The following CCDC144A variants were observed in gnomAD, a reference collection of about 807,000 sequenced individuals.
The protein encoded by CCDC144A is coiled-coil domain containing 144A.
A neutral mutation model predicts 143.8 loss-of-function variants in CCDC144A; 41 were observed. The observed-to-expected ratio is 0.29, with a 90% CI of 0.22 to 0.37. The LOEUF is 0.37. CCDC144A is among the 10% of genes least tolerant of loss of function. The pLI is 1.00. For missense variants in CCDC144A, 637 were observed against 1,488.8 expected (o/e 0.43, Z 9.41); for synonymous variants, 242 against 517.9 (o/e 0.47, Z 7.23).
chr17:16,715,422 A>G (rs1323282846), intron 6 of CCDC144A, among the ~76,000 whole-genome samples: 2 of 152,034 alleles, frequency 1.3e-5, no homozygotes, highest in African/African-American at 2.4e-5. Context: ...AATAAGCTAC[A>G]TTCTTTGTAT....
chr17:16,685,175 T>C (rs976726869), upstream of CCDC144A, among the ~76,000 whole-genome samples: 2 of 152,102 alleles, frequency 1.3e-5, no homozygotes, highest in African/African-American at 2.4e-5. Flanking sequence ...TGCGGGCATA[T>C]GCCACCACAC....
Position 16,734,767 on chromosome 17 carries a change from A to G in CCDC144A, c.2496A>G (p.Arg832=), listed in dbSNP as rs1216285046. 6.3e-7 allele frequency: 1 copy of G among 1,584,298 alleles called. No homozygotes were observed. The highest frequency in any genetic ancestry group is 1.4e-5 in the African/African-American group (1 of 73,582). ...CMLQEEIALL[R]LEIDTIKNQN... is the part of the protein sequence containing the mutation. ...TGCAGGAAGAAATTGCCTTGCTGAG[A>G]CTGGAAATAGATACAATAAAAAATC... Residue 832 remains arginine (R), a synonymous_variant, in exon 12 of 17, where the codon AGA becomes AGG. Coordinates refer to ENST00000399273, the MANE Select transcript of CCDC144A (RefSeq NM_001382000.1).
chr17:16,676,134 T>A, the CCDC144A span, among the ~76,000 whole-genome samples: 1 of 151,672 alleles, frequency 6.6e-6, no homozygotes, highest in Non-Finnish European at 1.5e-5. Flanking sequence ...GAGACTGGAT[T>A]GAAAAAAAGG....
intron 5 of CCDC144A, among the ~76,000 whole-genome samples, chr17:16,711,141 A>AAAAAAAAT: frequency 7.5e-6 from 1 of 133,808 alleles, no homozygotes; most frequent in Non-Finnish European, 1.6e-5. Flanking sequence ...CAAATGAAAA[A>AAAAAAAAT]AAAAAAAAAA....
chr17:16,721,140 T>C (rs1420004625), intron 8 of CCDC144A, among the ~76,000 whole-genome samples: 1 of 152,096 alleles, frequency 6.6e-6, no homozygotes, highest in Non-Finnish European at 1.5e-5. Flanking sequence ...TACTCTTCTC[T>C]TTCTCTGTGT....
intron 15 of CCDC144A, chr17:16,765,028 C>T (rs2143387782): frequency 1.0e-5 from 1 of 98,832 alleles, no homozygotes; most frequent in East Asian, 3.2e-4. Flanking sequence ...GACATCTCCC[C>T]TGGACATGTA....
At chr17:16,711,870 G>A (rs1444030961) in intron 6 of CCDC144A, 55 bp downstream of exon 6, 12 of 1,550,978 alleles carry the variant, frequency 7.7e-6, no homozygotes, top group South Asian at 4.7e-5. Context: ...GGTGGCTCAC[G>A]CCTGTAATCC....
At position 16,690,511 on chromosome 17, in the gene CCDC144A, C is replaced by T. The variant is rs1443989180; in HGVS notation, c.111C>T (p.Tyr37=). The change falls in exon 1 of 17, where the codon TAC becomes TAT. Residue 37 remains tyrosine, a synonymous_variant. Coordinates refer to ENST00000399273, the MANE Select transcript of CCDC144A (RefSeq NM_001382000.1). ...PSVGSQGDQW[Y]LGYPGDQWSS... Reference sequence around the variant, plus strand: ...TCGGGAGCCAGGGGGACCAGTGGTACTTGGGCTACCCGGGGGACCAGTGGT... The same window carrying T: ...TCGGGAGCCAGGGGGACCAGTGGTATTTGGGCTACCCGGGGGACCAGTGGT... The T allele has an allele frequency of 2.5e-6, 4 of 1,611,284 alleles. No homozygotes were observed. Among genetic ancestry groups the T allele is most frequent in the East Asian group, 2.2e-5 (1 of 44,868 alleles).
intron 12 of CCDC144A, among the ~76,000 whole-genome samples, chr17:16,748,226 GT>G (rs1226103657): frequency 1.3e-5 from 2 of 152,038 alleles, no homozygotes; most frequent in African/African-American, 4.8e-5. Context: ...TTAGCTGTGG[GT>G]TTGTTATAGA....
At chr17:16,684,337 G>A in the CCDC144A span, 1 of 696,256 alleles carries the variant, frequency 1.4e-6, no homozygotes, top group Non-Finnish European at 2.6e-6. Context: ...CAATTTCCAT[G>A]AAGTTAATAT....
chr17:16,689,148 C>T (rs1910899780), upstream of CCDC144A, among the ~76,000 whole-genome samples: 1 of 151,888 alleles, frequency 6.6e-6, no homozygotes. Flanking sequence ...TTCTTTCTTC[C>T]TTTCTTCCTT....
intron 6 of CCDC144A, among the ~76,000 whole-genome samples, chr17:16,717,772 G>A (rs1217376156): frequency 6.6e-6 from 1 of 151,936 alleles, no homozygotes; most frequent in South Asian, 2.1e-4. Flanking sequence ...GGGAAGAGTT[G>A]GAATTTTACA....
At chr17:16,719,447 G>T (rs1567593138) in intron 6 of CCDC144A, among the ~76,000 whole-genome samples, 1 of 152,196 alleles carries the variant, frequency 6.6e-6, no homozygotes, top group Non-Finnish European at 1.5e-5. Context: ...GAATGGCAAT[G>T]TGGGTTCATC....
At chr17:16,737,801 A>G (rs1734645479) in intron 12 of CCDC144A, 1 of 316,156 alleles carries the variant, frequency 3.2e-6, no homozygotes, top group Non-Finnish European at 5.6e-6. Context: ...TTTTATTACA[A>G]TTTAATTATC....
At position 16,690,320 on chromosome 17, in the gene CCDC144A, C is replaced by T; in HGVS notation, c.-81C>T. ...TGATCGCTTGGCTTGGCATTTCTGG[C>T]TTGGCGGTCCTCCTTTCGCAGATTG... On this transcript the variant is annotated 5_prime_UTR_variant, in exon 1 of 17. Coordinates refer to ENST00000399273, the MANE Select transcript of CCDC144A (RefSeq NM_001382000.1). The T allele has an allele frequency of 3.5e-6, 4 of 1,149,580 alleles. No individual in the cohort carries two copies. In the South Asian group the frequency reaches 5.1e-5, roughly 15 times the overall value. 71.2% of individuals were successfully genotyped at this position (1,149,580 alleles called of 1,614,324 possible).
chr17:16,715,105 G>C (rs577208839), intron 6 of CCDC144A, among the ~76,000 whole-genome samples: 152 of 151,016 alleles, frequency 1.0e-3, no homozygotes, highest in African/African-American at 3.6e-3. Flanking sequence ...TCATTTTCCT[G>C]CTTTAGTTTT....
chr17:16,755,020 T>C (rs1321387381), intron 12 of CCDC144A, among the ~76,000 whole-genome samples: 1 of 152,256 alleles, frequency 6.6e-6, no homozygotes, highest in African/African-American at 2.4e-5. Flanking sequence ...TTTTTTTACT[T>C]AAGATCTATT....
chr17:16,693,140 T>C (rs1398915010), intron 2 of CCDC144A, 91 bp downstream of exon 2: 4 of 1,472,990 alleles, frequency 2.7e-6, no homozygotes, highest in South Asian at 1.4e-5. Flanking sequence ...GAAAGAGCAG[T>C]TTTAAAAAAT....
chr17:16,726,637 C>T (rs1379799298), intron 8 of CCDC144A, among the ~76,000 whole-genome samples: 3 of 151,998 alleles, frequency 2.0e-5, no homozygotes, highest in African/African-American at 4.8e-5. Flanking sequence ...ATCGTGAACA[C>T]CAGACATGTT....
Sources: gnomAD v4.1 joint callset for allele counts (sites outside exome capture counted in the v4.1 genomes callset) on GRCh38, gnomAD v4.1.1 for gene constraint, MANE v1.5 for transcripts, NCBI Gene and HGNC (gene_info 2026-07-23, HGNC 2026-07-21) for gene names.